The following BTN3A2 variants were observed in gnomAD, a reference collection of about 807,000 sequenced individuals.
BTN3A2 encodes butyrophilin protein.
BTN3A2 carries 25 observed loss-of-function variants against 37.6 expected under a neutral mutation model. The observed-to-expected ratio is 0.66, with a 90% confidence interval of 0.48 to 0.93. BTN3A2 has a LOEUF of 0.93. BTN3A2 is among the 40% of genes least tolerant of loss of function. The pLI is 0.00. For synonymous variants in BTN3A2, 122 were observed against 159.4 expected (o/e 0.77, Z 1.77); for missense variants, 266 against 410.9 (o/e 0.65, Z 3.05).
intron 9 of BTN3A2, 119 bp downstream of exon 9, chr6:26,374,492 G>A (rs1016851052): frequency 2.7e-6 from 3 of 1,131,622 alleles, no homozygotes; most frequent in Non-Finnish European, 3.9e-6. Context: ...TGTGGTGGGG[G>A]TTCACCTCCG....
At position 26,376,614 on chromosome 6, in the gene BTN3A2, C is replaced by T; in HGVS notation, c.*852C>T. 6.9e-7 allele frequency: 1 copy of T among 1,453,894 alleles called. No homozygotes were observed. The allele number at this position is 1,453,894 out of a possible 1,614,324, so 90.1% of individuals were successfully genotyped here. The stretch of plus-strand genomic sequence containing the variant: ...TCCAGACATGGCAAATGCCATCCTC[C>T]TTGTTTCTGAGGACCAGAGGAGTGT... On this transcript the variant is annotated 3_prime_UTR_variant, in exon 11 of 11. Transcript: ENST00000377708.
In BTN3A2 at chr6:26,375,684, T is replaced by C. The variant is rs902856490; in HGVS notation, c.*35-113T>C. ...CACAGAGCCCAGCACAGAGACGGCC[T>C]TGCAGCTATCAGGAAGATGAGGAGC... On this transcript the variant is annotated intron_variant, in intron 10 of 10. Coordinates refer to ENST00000377708, the MANE Select transcript of BTN3A2 (RefSeq NM_007047.5). 5.9e-6 allele frequency: 9 copies of C among 1,525,950 alleles called. No individual in the cohort carries two copies. The African/African-American group carries it at 1.2e-4, about 21-fold the overall frequency. 94.5% of individuals were successfully genotyped at this position (1,525,950 alleles called of 1,614,324 possible).
At chr6:26,371,226 A>G (rs1301609507) in intron 5 of BTN3A2, among the ~76,000 whole-genome samples, 2 of 152,170 alleles carry the variant, frequency 1.3e-5, no homozygotes, top group Admixed American at 6.5e-5. Context: ...AGACCACTGC[A>G]CTCCAGCCAG....
At position 26,365,267 on chromosome 6, in the gene BTN3A2, G is replaced by C; in HGVS notation, c.-152G>C. On this transcript the variant is annotated 5_prime_UTR_variant, in exon 1 of 11. Coordinates refer to ENST00000377708, the MANE Select transcript of BTN3A2 (RefSeq NM_007047.5). ...CTTTTTCCTTTCTTCCGGATGAGAGGCTAAGCCATAATAGAAAGAATGGAG... is the reference window on the plus strand; with the variant it reads ...CTTTTTCCTTTCTTCCGGATGAGAGCCTAAGCCATAATAGAAAGAATGGAG... The C allele has an allele frequency of 6.6e-7, 1 of 1,512,502 alleles. No individual in the cohort carries two copies. Among genetic ancestry groups the C allele is most frequent in the South Asian group, 1.2e-5 (1 of 83,514 alleles). 93.7% of individuals were successfully genotyped at this position (1,512,502 alleles called of 1,614,324 possible).
Position 26,374,798 on chromosome 6 carries a change from G to A in BTN3A2, c.*34G>A, listed in dbSNP as rs1166140655. 2 of 1,523,378 alleles carry A rather than the reference G, an allele frequency of 1.3e-6. No individual in the cohort carries two copies. Among genetic ancestry groups the A allele is most frequent in the African/African-American group, 1.4e-5 (1 of 72,934 alleles). 94.4% of individuals were successfully genotyped at this position (1,523,378 alleles called of 1,614,324 possible). A position where few individuals can be genotyped will look rare whatever the true frequency, so the allele number is the denominator to read the frequency against. On this transcript the variant is annotated splice_region_variant and 3_prime_UTR_variant, in exon 10 of 11. Transcript: ENST00000377708. ...TGGAAAAATGGCCCTCTTCAAGCCTGGTGAGTAAATCACTGCATGTTCCCT... is the reference window on the plus strand; with the variant it reads ...TGGAAAAATGGCCCTCTTCAAGCCTAGTGAGTAAATCACTGCATGTTCCCT...
chr6:26,374,913 T>A, intron 10 of BTN3A2, 115 bp downstream of exon 10: 2 of 1,134,718 alleles, frequency 1.8e-6, no homozygotes, highest in Non-Finnish European at 2.5e-6. Context: ...TTGACTTCCT[T>A]CGTGGGTAGG....
intron 8 of BTN3A2, 87 bp from the exon 9 acceptor site, chr6:26,374,240 A>T: frequency 5.1e-6 from 2 of 394,454 alleles, no homozygotes; most frequent in Non-Finnish European, 4.3e-6. Context: ...AAAAAAAAAA[A>T]GACTAGATGG....
At chr6:26,370,194 AC>A in intron 4 of BTN3A2, 127 bp from the exon 5 acceptor site, 9 of 1,273,466 alleles carry the variant, frequency 7.1e-6, no homozygotes, top group Non-Finnish European at 9.7e-6. Flanking sequence ...TCATGACCAC[AC>A]TTTTGTAAAC....
intron 1 of BTN3A2, among the ~76,000 whole-genome samples, chr6:26,366,008 G>C (rs1175542546): frequency 6.6e-6 from 1 of 151,584 alleles, no homozygotes; most frequent in Non-Finnish European, 1.5e-5. Context: ...AACCATTTTT[G>C]GTATCTTTTA....
Position 26,372,975 on chromosome 6 carries a change from G to A in BTN3A2, c.794G>A (p.Gly265Glu). 1 of 1,614,238 alleles carries A rather than the reference G, an allele frequency of 6.2e-7. No homozygotes were observed. The highest frequency in any genetic ancestry group is 8.5e-7 in the Non-Finnish European group (1 of 1,180,044). The stretch of plus-strand genomic sequence containing the variant: ...CCTATCTTGCTGCTGCTTCTCGCCG[G>A]AGCCAGTTACTTCTTGTGGAGACAA... ...TLPILLLLLA[G>E]ASYFLWRQQK... is the part of the protein sequence containing the mutation. Residue 265 changes from glycine (G) to glutamate (E), a missense_variant, in exon 6 of 11, where the codon GGA becomes GAA. This residue lies in a region of BTN3A2 where 204 missense variants were observed against 232.6 expected (regional missense o/e 0.88). Coordinates refer to ENST00000377708, the MANE Select transcript of BTN3A2 (RefSeq NM_007047.5).
chr6:26,374,563 G>A (rs972666490), intron 9 of BTN3A2, 190 bp downstream of exon 9: 42 of 838,272 alleles, frequency 5.0e-5, no homozygotes, highest in Non-Finnish European at 7.0e-5. Flanking sequence ...GCCTGGCCAT[G>A]CATCCTGCAC....
In BTN3A2 at chr6:26,376,372, A is replaced by T. The variant is rs973669914; in HGVS notation, c.*610A>T. The T allele has an allele frequency of 4.6e-5, 16 of 349,110 alleles. No homozygotes were observed. The highest frequency in any genetic ancestry group is 1.7e-3 in the Middle Eastern group (2 of 1,194). 21.6% of individuals were successfully genotyped at this position (349,110 alleles called of 1,614,324 possible). A position where few individuals can be genotyped will look rare whatever the true frequency, so the allele number is the denominator to read the frequency against. On this transcript the variant is annotated 3_prime_UTR_variant, in exon 11 of 11. Transcript: ENST00000377708. ...AGGGTATTGGGTTAGGCAGATACTG[A>T]CCTTACTTTCATTTCCCCTCTGGTC...
At position 26,377,172 on chromosome 6, in the gene BTN3A2, G is replaced by A; in HGVS notation, c.*1410G>A. ...GGAGATACCACTGACCCCAGGCTTA[G>A]CTAATGAAAGTGGGGAGCCTCAGGC... On this transcript the variant is annotated 3_prime_UTR_variant, in exon 11 of 11. Coordinates refer to ENST00000377708, the MANE Select transcript of BTN3A2 (RefSeq NM_007047.5). 1.6e-6 allele frequency: 2 copies of A among 1,258,908 alleles called. No homozygotes were observed. Among genetic ancestry groups the A allele is most frequent in the South Asian group, 1.2e-5 (1 of 83,890 alleles). The allele number at this position is 1,258,908 out of a possible 1,614,324, so 78.0% of individuals were successfully genotyped here.
chr6:26,370,982 T>C (rs1760053281), intron 5 of BTN3A2, among the ~76,000 whole-genome samples: 1 of 152,142 alleles, frequency 6.6e-6, no homozygotes, highest in African/African-American at 2.4e-5. Flanking sequence ...TAAAAAGTTT[T>C]GGCCAGGCAT....
rs1183773445 is a variant in BTN3A2 at position 26,377,295 on chromosome 6, A to T, written c.*1533A>T. ...ACCATAAAGCTACAGGCACACACTG[A>T]AGCACTTTACTGATATTCATTCAAT... On this transcript the variant is annotated 3_prime_UTR_variant, in exon 11 of 11. Transcript: ENST00000377708. 1.3e-6 allele frequency: 1 copy of T among 749,620 alleles called. No individual in the cohort carries two copies. The highest frequency in any genetic ancestry group is 2.0e-5 in the Admixed American group (1 of 48,950). The allele number at this position is 749,620 out of a possible 1,614,324, so 46.4% of individuals were successfully genotyped here.
In BTN3A2 at chr6:26,376,232, A is replaced by AAAAAGAAAAG. The variant is rs1554126688; in HGVS notation, c.*475_*484dup. On this transcript the variant is annotated 3_prime_UTR_variant, in exon 11 of 11. Coordinates refer to ENST00000377708, the MANE Select transcript of BTN3A2 (RefSeq NM_007047.5). ...TGTCTCAAGAAAAAAAAAAAAAAAA[A>AAAAAGAAAAG]AAAAGAAAAGAAAATTAACCTCTGA... 6.8e-4 allele frequency: 93 copies of AAAAAGAAAAG among 136,544 alleles called. No individual in the cohort carries two copies. Among genetic ancestry groups the AAAAAGAAAAG allele is most frequent in the African/African-American group, 2.0e-3 (65 of 32,172 alleles). The allele number at this position is 136,544 out of a possible 1,614,324, so 8.5% of individuals were successfully genotyped here. A position where few individuals can be genotyped will look rare whatever the true frequency, so the allele number is the denominator to read the frequency against.
intron 5 of BTN3A2, 109 bp downstream of exon 5, chr6:26,370,712 C>T: frequency 6.5e-7 from 1 of 1,537,320 alleles, no homozygotes; most frequent in Non-Finnish European, 8.8e-7. Context: ...GAATATAAGG[C>T]CCAAAGCACA....
Position 26,375,990 on chromosome 6 carries a change from A to G in BTN3A2, c.*228A>G. ...GGAAGGCTGAGGAGGGCGGATCACA[A>G]GGTCAGGAGATCAAGACCATCCTGG... On this transcript the variant is annotated 3_prime_UTR_variant, in exon 11 of 11. Transcript: ENST00000377708. The G allele has an allele frequency of 1.2e-6, 1 of 827,638 alleles. No individual in the cohort carries two copies. Among genetic ancestry groups the G allele is most frequent in the Non-Finnish European group, 1.9e-6 (1 of 537,176 alleles). The allele number at this position is 827,638 out of a possible 1,614,324, so 51.3% of individuals were successfully genotyped here.
At chr6:26,370,251 C>T (rs1161650249) in intron 4 of BTN3A2, 71 bp from the exon 5 acceptor site, 6 of 1,512,910 alleles carry the variant, frequency 4.0e-6, no homozygotes, top group Non-Finnish European at 5.4e-6. Context: ...CTGAGCCTGA[C>T]ATTGATTCCC....
Sources: allele counts gnomAD v4.1 joint callset (sites outside exome capture counted in the v4.1 genomes callset), GRCh38; gene constraint gnomAD v4.1.1; regional missense constraint gnomAD v4.1.1; transcripts MANE v1.5; gene names NCBI Gene and HGNC (gene_info 2026-07-23, HGNC 2026-07-21).